MAST2: variants seen among roughly 807,000 people sequenced by gnomAD.
MAST2 encodes microtubule associated serine/threonine kinase 2, also known as microtubule-associated serine/threonine-protein kinase 2.
Under a neutral mutation model 147.4 loss-of-function variants are expected in MAST2, and 70 were observed. That is an observed-to-expected ratio of 0.47 (90% CI 0.39 to 0.58). The LOEUF (loss-of-function observed/expected upper bound fraction) is 0.58, where lower values mean the gene tolerates loss of function less well. Ranked by LOEUF, MAST2 falls within the 20% of genes least tolerant of loss-of-function variation. The probability of loss-of-function intolerance (pLI) is 0.00; values close to 1 mark genes in which losing one functional copy is unlikely to be tolerated. For missense variants in MAST2, 2,080 were observed against 2,302.3 expected (o/e 0.90, Z 1.98); for synonymous variants, 869 against 896.8 (o/e 0.97, Z 0.55).
At chr1:45,904,284 C>T (rs746198852) in intron 4 of MAST2, among the ~76,000 whole-genome samples, 3 of 152,038 alleles carry the variant, frequency 2.0e-5, no homozygotes, top group Non-Finnish European at 2.9e-5. Flanking sequence ...AGCGATTCTC[C>T]TGCCTCAGCC....
chr1:45,875,468 G>T (rs945091449), intron 3 of MAST2, among the ~76,000 whole-genome samples: 6 of 151,978 alleles, frequency 3.9e-5, no homozygotes, highest in African/African-American at 1.4e-4. Flanking sequence ...AGTTATTTTT[G>T]ACTTCAGTAT....
intron 8 of MAST2, 96 bp downstream of exon 8, chr1:46,006,491 T>A: frequency 1.6e-6 from 2 of 1,236,396 alleles, no homozygotes; most frequent in Non-Finnish European, 2.2e-6. Flanking sequence ...GGGGCCAAGA[T>A]AGTAAATATT....
At chr1:45,994,209 C>G (rs1042983403) in intron 5 of MAST2, among the ~76,000 whole-genome samples, 14 of 150,024 alleles carry the variant, frequency 9.3e-5, no homozygotes, top group African/African-American at 2.9e-4. Flanking sequence ...TCTCTAGCCC[C>G]TCTCCATTTC....
chr1:45,987,611 G>C (rs1270681315), intron 5 of MAST2, among the ~76,000 whole-genome samples: 2 of 151,888 alleles, frequency 1.3e-5, no homozygotes, highest in South Asian at 4.1e-4. Context: ...TATGCCTGGC[G>C]TTGTGTATGG....
At chr1:45,808,988 T>C (rs976356282) in intron 1 of MAST2, among the ~76,000 whole-genome samples, 1 of 152,220 alleles carries the variant, frequency 6.6e-6, no homozygotes, top group Non-Finnish European at 1.5e-5. Flanking sequence ...AAAATTATCT[T>C]GTTTCTCTCA....
In MAST2 at chr1:46,014,868, A is replaced by T. The variant is rs561654804; in HGVS notation, c.1188+3929A>T. Reference sequence around the variant, plus strand: ...ACCCTCCACCCCAAATCAACAGAATATACATTTTTTTCAGCACCGCATCAC... The same window carrying T: ...ACCCTCCACCCCAAATCAACAGAATTTACATTTTTTTCAGCACCGCATCAC... On this transcript the variant is annotated intron_variant, in intron 10 of 28. Coordinates refer to ENST00000361297, the MANE Select transcript of MAST2 (RefSeq NM_015112.3). Among the ~76,000 whole-genome samples the T allele has an allele frequency of 9.8e-5, 15 of 152,344 alleles. No individual in the cohort carries two copies. In the South Asian group the frequency reaches 2.9e-3, roughly 29 times the overall value.
At chr1:46,015,825 TG>T (rs1221374211) in intron 10 of MAST2, among the ~76,000 whole-genome samples, 4 of 152,240 alleles carry the variant, frequency 2.6e-5, no homozygotes, top group Admixed American at 2.6e-4. Flanking sequence ...ACTCATTTTA[TG>T]ATGCCAGCAT....
Position 46,019,700 on chromosome 1 carries a change from G to A in MAST2, c.1290+3G>A. 2 of 1,613,824 alleles carry A rather than the reference G, an allele frequency of 1.2e-6. No individual in the cohort carries two copies. The highest frequency in any genetic ancestry group is 8.5e-7 in the Non-Finnish European group (1 of 1,179,710). On this transcript the variant is annotated splice_donor_region_variant and intron_variant, in intron 11 of 28. Coordinates refer to ENST00000361297, the MANE Select transcript of MAST2 (RefSeq NM_015112.3). Reference sequence around the variant, plus strand: ...CAGCACGTCTCCTGGAATGCCTGGTGAGTGGACTCTAGGAAAGTCAGGTGG... The same window carrying A: ...CAGCACGTCTCCTGGAATGCCTGGTAAGTGGACTCTAGGAAAGTCAGGTGG...
chr1:45,882,913 C>A (rs1394438597), intron 4 of MAST2, among the ~76,000 whole-genome samples: 1 of 152,054 alleles, frequency 6.6e-6, no homozygotes, highest in Admixed American at 6.6e-5. Context: ...ATAGTCTTTG[C>A]CCCTGGATTT....
At chr1:46,014,858 T>A (rs1645867334) in intron 10 of MAST2, among the ~76,000 whole-genome samples, 1 of 152,126 alleles carries the variant, frequency 6.6e-6, no homozygotes. Flanking sequence ...CCACCCCAAA[T>A]CAACAGAATA....
chr1:45,880,559 C>T (rs1374210568), intron 3 of MAST2, among the ~76,000 whole-genome samples: 2 of 152,074 alleles, frequency 1.3e-5, no homozygotes, highest in African/African-American at 4.8e-5. Flanking sequence ...AAGATTTGTA[C>T]AGTTGAATGT....
chr1:45,846,430 G>A (rs370964462), intron 3 of MAST2, among the ~76,000 whole-genome samples: 23 of 152,060 alleles, frequency 1.5e-4, no homozygotes, highest in African/African-American at 3.1e-4. Context: ...TGCTCCCCCC[G>A]GCCTGAAATT....
intron 3 of MAST2, among the ~76,000 whole-genome samples, chr1:45,844,805 G>T (rs1176389934): frequency 6.6e-6 from 1 of 152,110 alleles, no homozygotes; most frequent in Non-Finnish European, 1.5e-5. Context: ...CGTCCGTTTT[G>T]TGCTGCTATG....
chr1:45,882,241 A>AT (rs1326273526), intron 3 of MAST2, 123 bp from the exon 4 acceptor site: 3 of 578,976 alleles, frequency 5.2e-6, no homozygotes, highest in Non-Finnish European at 9.2e-6. Flanking sequence ...AAAAGTTGTT[A>AT]TTTAGAAATA....
intron 4 of MAST2, among the ~76,000 whole-genome samples, chr1:45,931,675 G>A (rs551740977): frequency 6.6e-6 from 1 of 151,462 alleles, no homozygotes; most frequent in Non-Finnish European, 1.5e-5. Flanking sequence ...TTTTTTTTTA[G>A]TAGAGACAGG....
At chr1:45,899,877 C>G (rs1442663928) in intron 4 of MAST2, among the ~76,000 whole-genome samples, 3 of 151,158 alleles carry the variant, frequency 2.0e-5, no homozygotes, top group African/African-American at 4.9e-5. Context: ...TTTAAGATTT[C>G]TTTTCCCGGC....
At chr1:45,978,095 C>A (rs11211236) in intron 5 of MAST2, among the ~76,000 whole-genome samples, 51,542 of 151,876 alleles carry the variant, frequency 0.34, 9,117 homozygotes, top group African/African-American at 0.43. Flanking sequence ...AAAACCTGTA[C>A]ATCAATAAAA....
chr1:45,944,062 C>A (rs1013346946), intron 4 of MAST2, among the ~76,000 whole-genome samples: 2 of 152,188 alleles, frequency 1.3e-5, no homozygotes, highest in Non-Finnish European at 2.9e-5. Context: ...AGAACCTGCT[C>A]TTGGGGTCTC....
At chr1:45,987,785 T>TTTTTTTTTTTTTTTTTTTTTTTTG in intron 5 of MAST2, among the ~76,000 whole-genome samples, 1 of 140,940 alleles carries the variant, frequency 7.1e-6, no homozygotes, top group Admixed American at 7.1e-5. Flanking sequence ...TGATTTTTTT[T>TTTTTTTTTTTTTTTTTTTTTTTTG]TTTTTTTTTT....
Sources: gnomAD v4.1 joint callset for allele counts (sites outside exome capture counted in the v4.1 genomes callset) on GRCh38, gnomAD v4.1.1 for gene constraint, MANE v1.5 for transcripts, NCBI Gene and HGNC (gene_info 2026-07-23, HGNC 2026-07-21) for gene names.